Variants in PDLIM2 observed in about 807,000 individuals in gnomAD.
PDLIM2 encodes PDZ and LIM domain protein 2.
A neutral mutation model predicts 54.1 loss-of-function variants in PDLIM2; 51 were observed. The ratio of observed to expected loss-of-function variants is 0.94; its 90% CI spans 0.75 to 1.19. PDLIM2 has a LOEUF of 1.19. Ranked by LOEUF, PDLIM2 falls within the 50% of genes most tolerant of loss-of-function variation. The probability of loss-of-function intolerance (pLI) is 0.00; values close to 1 mark genes in which losing one functional copy is unlikely to be tolerated. For synonymous variants in PDLIM2, 398 were observed against 385.6 expected (o/e 1.03, Z -0.38); for missense variants, 912 against 874.0 (o/e 1.04, Z -0.55).
chr8:22,594,389 C>T (rs146826483), downstream of PDLIM2: 1,299 of 1,535,798 alleles, frequency 8.5e-4, 2 homozygotes, highest in African/African-American at 3.6e-3. Context: ...ATGCAACATA[C>T]GTTTCTTCTT....
chr8:22,585,870 C>T (rs1425165774), intron 6 of PDLIM2, among the ~76,000 whole-genome samples: 3 of 151,170 alleles, frequency 2.0e-5, no homozygotes, highest in African/African-American at 7.3e-5. Flanking sequence ...AGTGGGACTG[C>T]GGTTCTGCCT....
At chr8:22,580,397 G>T in intron 1 of PDLIM2, 78 bp from the exon 1 acceptor site, 1 of 1,293,034 alleles carries the variant, frequency 7.7e-7, no homozygotes, top group South Asian at 1.5e-5. Flanking sequence ...GAACCCAGAA[G>T]CATGGCTTCC....
intron 1 of PDLIM2, among the ~76,000 whole-genome samples, chr8:22,579,961 G>A (rs1800141846): frequency 6.6e-6 from 1 of 152,184 alleles, no homozygotes; most frequent in African/African-American, 2.4e-5. Context: ...CCTGGGGGAG[G>A]TGGGGAGCCC....
At chr8:22,579,596 G>A (rs769826005) in intron 1 of PDLIM2, 207 of 1,377,410 alleles carry the variant, frequency 1.5e-4, no homozygotes, top group Admixed American at 1.7e-4. Flanking sequence ...TGGGAACAGA[G>A]GCTAGGCCTG....
At chr8:22,587,620 A>G (rs1800416175) in intron 6 of PDLIM2, 1 of 152,098 alleles carries the variant, frequency 6.6e-6, no homozygotes, top group African/African-American at 2.4e-5. Flanking sequence ...GCTTTCCTGG[A>G]TTTGGAGATA....
At chr8:22,581,144 C>A (rs1401253853) in intron 2 of PDLIM2, 3 of 665,330 alleles carry the variant, frequency 4.5e-6, no homozygotes, top group Non-Finnish European at 8.3e-6. Flanking sequence ...TGAAATTCTG[C>A]CACTGCACAT....
exon 10 of PDLIM2, chr8:22,593,817 G>T (rs770850769): frequency 6.2e-7 from 1 of 1,601,452 alleles, no homozygotes; most frequent in East Asian, 2.3e-5. Context: ...ACCTGAAGAT[G>T]CGCGGGCACT....
intron 8 of PDLIM2, chr8:22,591,090 G>T: frequency 4.9e-6 from 1 of 204,838 alleles, no homozygotes; most frequent in Non-Finnish European, 1.0e-5. Flanking sequence ...TGCCAAGGAG[G>T]CCTCAGCGTC....
downstream of PDLIM2, chr8:22,597,993 C>A (rs1025738935): frequency 2.6e-5 from 4 of 152,266 alleles, no homozygotes; most frequent in African/African-American, 9.6e-5. Context: ...CTGTGGGCCT[C>A]AGTTTCCCCA....
rs1800540325 is a variant in PDLIM2 at position 22,591,332 on chromosome 8, A to G, written c.1514-219A>G. The G allele has an allele frequency of 6.8e-6, 4 of 589,392 alleles. No individual in the cohort carries two copies. In the South Asian group the frequency reaches 7.8e-5, roughly 12 times the overall value. 36.5% of individuals were successfully genotyped at this position (589,392 alleles called of 1,614,324 possible). ...CACAGATGGCCCCAGGTGGCCTTGG[A>G]TGGGCAAACTCGGCCTTGTACCTGC... On this transcript the variant is annotated intron_variant, in intron 8 of 9. Transcript: ENST00000308354.
chr8:22,581,523 C>G, exon 3 of PDLIM2: 1 of 1,580,414 alleles, frequency 6.3e-7, no homozygotes, highest in Non-Finnish European at 8.6e-7. Flanking sequence ...GCGGCTGCAG[C>G]TGGACCGGTA....
chr8:22,584,827 GGCTAC>G lies in PDLIM2; in HGVS notation c.1004_1008del (p.Ala335ValfsTer27). The G allele has an allele frequency of 6.2e-7, 1 of 1,614,140 alleles. No homozygotes were observed. The highest frequency in any genetic ancestry group is 8.5e-7 in the Non-Finnish European group (1 of 1,180,016). On this transcript the variant is annotated frameshift_variant, in exon 4 of 10. Transcript: ENST00000308354. LOFTEE classifies it high-confidence loss of function. ...CCCTCTGTTGCCTTCTCAGGTCTCA[GGCTAC>G]GTCTCCAGGGCAGACCAATGGGGAC...
At chr8:22,589,445 C>A (rs1240619534) in intron 7 of PDLIM2, 71 bp downstream of exon 6, 4 of 1,529,386 alleles carry the variant, frequency 2.6e-6, no homozygotes, top group Admixed American at 2.0e-5. Context: ...AGACGGGCTT[C>A]CCCGAGAGGG....
In PDLIM2 at chr8:22,591,669, G is replaced by A. The variant is rs573038256; in HGVS notation, c.1631+1G>A. On this transcript the variant is annotated splice_donor_variant, in intron 9 of 9. Transcript: ENST00000308354. LOFTEE classifies it high-confidence loss of function. ...GTGAGAAGTGCAGTACCAGCATCGCGTGAGTGTGGAGGGGGGTGGGGGACC... is the reference window on the plus strand; with the variant it reads ...GTGAGAAGTGCAGTACCAGCATCGCATGAGTGTGGAGGGGGGTGGGGGACC... 1.9e-6 allele frequency: 3 copies of A among 1,607,700 alleles called. No homozygotes were observed. In the East Asian group the frequency reaches 6.7e-5, roughly 36 times the overall value.
At chr8:22,587,934 A>T (rs1800426002) in intron 6 of PDLIM2, 1 of 152,312 alleles carries the variant, frequency 6.6e-6, no homozygotes, top group Non-Finnish European at 1.5e-5. Flanking sequence ...GGCCAAGTGA[A>T]AAAAGCCCCT....
intron 6 of PDLIM2, 75 bp downstream of exon 5, chr8:22,585,474 G>T: frequency 6.9e-7 from 1 of 1,441,056 alleles, no homozygotes; most frequent in South Asian, 1.2e-5. Context: ...AGTGCCCCGG[G>T]ACTGCAGGCG....
exon 1 of PDLIM2, chr8:22,579,459 G>A: frequency 6.6e-7 from 1 of 1,518,966 alleles, no homozygotes; most frequent in Non-Finnish European, 8.8e-7. Flanking sequence ...AGAACTGGTA[G>A]AGCCGGGCCA....
intron 8 of PDLIM2, 183 bp downstream of exon 7, chr8:22,589,924 G>A (rs998840309): frequency 5.6e-5 from 37 of 665,704 alleles, no homozygotes; most frequent in Non-Finnish European, 7.0e-5. Flanking sequence ...GGTCCGGGAG[G>A]GTCCGGGAGG....
chr8:22,594,422 C>A, downstream of PDLIM2: 2 of 1,584,708 alleles, frequency 1.3e-6, no homozygotes, highest in Non-Finnish European at 1.7e-6. Context: ...TCAAATCCCA[C>A]CCCTGCCAGT....
Sources: allele counts gnomAD v4.1 joint callset (sites outside exome capture counted in the v4.1 genomes callset), GRCh38; gene constraint gnomAD v4.1.1; transcripts MANE v1.5; gene names NCBI Gene and HGNC (gene_info 2026-07-23, HGNC 2026-07-21).